Variants in EIPR1 observed in about 807,000 individuals in gnomAD.
EIPR1 encodes EARP and GARP complex-interacting protein 1.
EIPR1 carries 25 observed loss-of-function variants against 48.1 expected under a neutral mutation model. The ratio of observed to expected loss-of-function variants is 0.52; its 90% CI spans 0.38 to 0.73. The LOEUF (loss-of-function observed/expected upper bound fraction) is 0.73. Among genes scored for constraint, EIPR1 ranks in the 30% least tolerant of loss-of-function variants. EIPR1 has a pLI of 0.00. For synonymous variants in EIPR1, 204 were observed against 201.9 expected (o/e 1.01, Z -0.09); for missense variants, 415 against 506.2 (o/e 0.82, Z 1.73).
intron 3 of EIPR1, among the ~76,000 whole-genome samples, chr2:3,295,533 C>CAT (rs1668540748): frequency 2.5e-5 from 3 of 119,054 alleles, no homozygotes; most frequent in African/African-American, 6.6e-5. Context: ...ATCGTCTCTC[C>CAT]ACACACACCC....
intron 3 of EIPR1, among the ~76,000 whole-genome samples, chr2:3,335,047 C>G (rs1053300468): frequency 6.6e-6 from 1 of 152,210 alleles, no homozygotes; most frequent in African/African-American, 2.4e-5. Flanking sequence ...CCACTTACAG[C>G]TGGGAGCAGC....
intron 3 of EIPR1, among the ~76,000 whole-genome samples, chr2:3,295,433 ACACACACACCC>A (rs1668533292): frequency 8.8e-6 from 1 of 113,146 alleles, no homozygotes; most frequent in African/African-American, 3.5e-5. Flanking sequence ...TCCTCTCTGC[ACACACACACCC>A]TCCATCCAGC....
intron 4 of EIPR1, among the ~76,000 whole-genome samples, chr2:3,218,012 G>A (rs766234957): frequency 6.6e-6 from 1 of 152,170 alleles, no homozygotes; most frequent in Non-Finnish European, 1.5e-5. Context: ...ACTGAGCCAG[G>A]TGCACACCCA....
chr2:3,324,662 A>G (rs1304452924), intron 3 of EIPR1, among the ~76,000 whole-genome samples: 6 of 152,216 alleles, frequency 3.9e-5, no homozygotes, highest in Admixed American at 2.0e-4. Flanking sequence ...TCGTCACTCT[A>G]ATAATCAGTC....
At chr2:3,197,147 GCT>G in intron 5 of EIPR1, 130 bp from the exon 6 acceptor site, 3 of 1,105,206 alleles carry the variant, frequency 2.7e-6, no homozygotes, top group Non-Finnish European at 2.5e-6. Flanking sequence ...TAATTAGGAA[GCT>G]CTGTCTTTGT....
intron 3 of EIPR1, among the ~76,000 whole-genome samples, chr2:3,283,327 C>T (rs189135220): frequency 6.6e-6 from 1 of 152,336 alleles, no homozygotes; most frequent in East Asian, 1.9e-4. Context: ...CCAAGTAACA[C>T]TGCGCCAACA....
At chr2:3,253,977 G>A (rs1376310953) in intron 4 of EIPR1, among the ~76,000 whole-genome samples, 1 of 152,192 alleles carries the variant, frequency 6.6e-6, no homozygotes, top group Admixed American at 6.5e-5. Flanking sequence ...AGCGACGTGA[G>A]TGTGGGGAAC....
At chr2:3,207,263 C>T (rs1334996274) in intron 5 of EIPR1, among the ~76,000 whole-genome samples, 1 of 152,178 alleles carries the variant, frequency 6.6e-6, no homozygotes. Flanking sequence ...GACACTTGGT[C>T]AGGCCAAGGA....
chr2:3,326,667 A>T (rs11677103), intron 3 of EIPR1, among the ~76,000 whole-genome samples: 1 of 152,012 alleles, frequency 6.6e-6, no homozygotes, highest in Non-Finnish European at 1.5e-5. Flanking sequence ...CGTCACACAC[A>T]TTTCACTTCC....
intron 1 of EIPR1, among the ~76,000 whole-genome samples, chr2:3,368,418 G>A (rs1450596213): frequency 6.6e-6 from 1 of 152,162 alleles, no homozygotes; most frequent in African/African-American, 2.4e-5. Context: ...TGGCAGCAGT[G>A]GGCTCAAATA....
intron 3 of EIPR1, among the ~76,000 whole-genome samples, chr2:3,260,585 A>C (rs543393372): frequency 1.3e-4 from 20 of 152,258 alleles, no homozygotes; most frequent in African/African-American, 3.6e-4. Context: ...AAAGAAAAGA[A>C]AAGACAGACT....
chr2:3,347,355 G>A (rs999592438), intron 2 of EIPR1, among the ~76,000 whole-genome samples: 2 of 152,144 alleles, frequency 1.3e-5, no homozygotes, highest in African/African-American at 2.4e-5. Flanking sequence ...GGAGACAATC[G>A]AATCATGGGG....
In EIPR1 at chr2:3,360,020, G is replaced by T. The variant is rs74703863; in HGVS notation, c.43-5387C>A. Among the ~76,000 whole-genome samples the T allele has an allele frequency of 8.7e-3, 1,325 of 152,218 alleles. 126 individuals carry two copies. In the East Asian group the frequency reaches 0.2, roughly 23 times the overall value. On this transcript the variant is annotated intron_variant, in intron 1 of 8. Transcript: ENST00000382125. ...TCTCTCATGGTAAAGTAGGGTAGCT[G>T]GCAACACAAATGGCACATTTGGTAG...
intron 8 of EIPR1, among the ~76,000 whole-genome samples, chr2:3,191,587 C>T (rs920540575): frequency 2.0e-5 from 3 of 152,242 alleles, no homozygotes; most frequent in Admixed American, 2.0e-4. Flanking sequence ...AGGGCTCTGT[C>T]CAACTTCACA....
intron 4 of EIPR1, among the ~76,000 whole-genome samples, chr2:3,234,903 C>T (rs116210702): frequency 3.3e-5 from 5 of 152,220 alleles, no homozygotes; most frequent in Admixed American, 1.3e-4. Flanking sequence ...TTTAGCTAAC[C>T]AGCTGGTCCC....
rs552502766 is a variant in EIPR1 at position 3,221,510 on chromosome 2, C to T, written c.417-7262G>A. On this transcript the variant is annotated intron_variant, in intron 4 of 8. Transcript: ENST00000382125. Reference sequence around the variant, plus strand: ...GTCTGGAACACACGCACACAATGGCCGAGGTACACTCTAGAACACTCACAG... The same window carrying T: ...GTCTGGAACACACGCACACAATGGCTGAGGTACACTCTAGAACACTCACAG... Among the ~76,000 whole-genome samples, 31 of 12,816 alleles carry T rather than the reference C, an allele frequency of 2.4e-3. 4 individuals carry two copies. The highest frequency in any genetic ancestry group is 4.7e-3 in the African/African-American group (29 of 6,190). 8.4% of individuals were successfully genotyped at this position (12,816 alleles called of 152,430 possible).
intron 3 of EIPR1, among the ~76,000 whole-genome samples, chr2:3,331,039 T>G (rs1335648018): frequency 8.2e-6 from 1 of 121,784 alleles, no homozygotes; most frequent in Non-Finnish European, 1.6e-5. Flanking sequence ...GGCAGGCATG[T>G]GTACACTCAT....
intron 1 of EIPR1, among the ~76,000 whole-genome samples, chr2:3,373,407 C>T (rs1194206622): frequency 6.6e-6 from 1 of 152,076 alleles, no homozygotes; most frequent in Non-Finnish European, 1.5e-5. Context: ...GAAATAAAGG[C>T]TATTCGATTA....
chr2:3,338,244 T>C (rs1670127830), intron 2 of EIPR1, 95 bp from the exon 3 acceptor site: 3 of 1,413,812 alleles, frequency 2.1e-6, no homozygotes, highest in Non-Finnish European at 2.9e-6. Flanking sequence ...CACATGCACA[T>C]TTCGTGACAG....
Sources: gnomAD v4.1 joint callset for allele counts (sites outside exome capture counted in the v4.1 genomes callset) on GRCh38, gnomAD v4.1.1 for gene constraint, MANE v1.5 for transcripts, NCBI Gene and HGNC (gene_info 2026-07-23, HGNC 2026-07-21) for gene names.